RHOT1: variants seen among roughly 807,000 people sequenced by gnomAD.
RHOT1 encodes mitochondrial Rho GTPase 1.
In RHOT1, 27 loss-of-function variants were observed where a neutral mutation model predicts 95.3. The observed-to-expected ratio is 0.28, with a 90% CI of 0.21 to 0.39. The LOEUF (loss-of-function observed/expected upper bound fraction) is 0.39. RHOT1 is among the 10% of genes least tolerant of loss of function. The pLI is 1.00. For synonymous variants in RHOT1, 227 were observed against 263.5 expected (o/e 0.86, Z 1.34); for missense variants, 578 against 786.7 (o/e 0.73, Z 3.17).
At chr17:32,221,677 G>A (rs1016551517) in intron 19 of RHOT1, among the ~76,000 whole-genome samples, 44 of 152,166 alleles carry the variant, frequency 2.9e-4, no homozygotes, top group African/African-American at 9.9e-4. Context: ...GACATTGATG[G>A]AGCCATCGAA....
intron 1 of RHOT1, among the ~76,000 whole-genome samples, chr17:32,157,110 A>T (rs1461944300): frequency 6.6e-6 from 1 of 152,252 alleles, no homozygotes; most frequent in Non-Finnish European, 1.5e-5. Context: ...GTAAAAGGTA[A>T]TAAAGAATAA....
chr17:32,207,162 T>C, intron 17 of RHOT1, 133 bp downstream of exon 17: 1 of 839,974 alleles, frequency 1.2e-6, no homozygotes, highest in Non-Finnish European at 1.8e-6. Context: ...ATCTTTACCC[T>C]ATTCCTGAAG....
intron 8 of RHOT1, among the ~76,000 whole-genome samples, chr17:32,188,882 T>C (rs1419804056): frequency 1.3e-5 from 2 of 152,226 alleles, no homozygotes; most frequent in Non-Finnish European, 2.9e-5. Context: ...CTTAATCTGG[T>C]GCTAGTTTAC....
chr17:32,156,750 A>G (rs964039220), intron 1 of RHOT1, among the ~76,000 whole-genome samples: 2 of 152,260 alleles, frequency 1.3e-5, no homozygotes, highest in Admixed American at 6.5e-5. Context: ...GTTGTAACTC[A>G]GGGTCATACT....
chr17:32,212,277 G>T (rs2038185267), intron 19 of RHOT1, among the ~76,000 whole-genome samples: 1 of 152,194 alleles, frequency 6.6e-6, no homozygotes, highest in South Asian at 2.1e-4. Flanking sequence ...TATTTCTTCT[G>T]TGAGTCAGAA....
At chr17:32,172,345 A>G (rs1234951025) in intron 2 of RHOT1, among the ~76,000 whole-genome samples, 1 of 152,250 alleles carries the variant, frequency 6.6e-6, no homozygotes, top group Non-Finnish European at 1.5e-5. Context: ...TACTCTGGGT[A>G]TAACACCTAA....
intron 19 of RHOT1, chr17:32,221,048 G>A: frequency 1.0e-6 from 1 of 982,716 alleles, no homozygotes; most frequent in Non-Finnish European, 1.2e-6. Context: ...AATTGTGGAA[G>A]AATTATTTCT....
intron 19 of RHOT1, among the ~76,000 whole-genome samples, chr17:32,221,506 C>T (rs1221285024): frequency 6.6e-6 from 1 of 152,070 alleles, no homozygotes; most frequent in East Asian, 1.9e-4. Flanking sequence ...CCACATTATT[C>T]TCTATTCAGG....
chr17:32,143,232 T>C, intron 1 of RHOT1: 1 of 384,518 alleles, frequency 2.6e-6, no homozygotes, highest in African/African-American at 2.1e-5. Context: ...TGCAGAACTA[T>C]TCGACTTGTG....
At chr17:32,152,448 GT>G (rs2032428511) in intron 1 of RHOT1, among the ~76,000 whole-genome samples, 1 of 152,198 alleles carries the variant, frequency 6.6e-6, no homozygotes, top group South Asian at 2.1e-4. Context: ...CTGGGAAAAA[GT>G]TTGTTCTAAT....
chr17:32,214,418 A>G (rs1343592026), intron 19 of RHOT1, among the ~76,000 whole-genome samples: 1 of 152,224 alleles, frequency 6.6e-6, no homozygotes, highest in African/African-American at 2.4e-5. Context: ...GCAATTAATT[A>G]ACAAATTTTT....
At chr17:32,158,528 C>T (rs914815216) in intron 1 of RHOT1, among the ~76,000 whole-genome samples, 15 of 151,952 alleles carry the variant, frequency 9.9e-5, no homozygotes, top group African/African-American at 2.9e-4. Context: ...CATGCAATCT[C>T]GGCTCACTGC....
In RHOT1 at chr17:32,182,814, G is replaced by T. The variant is rs1295874637; in HGVS notation, c.387G>T (p.Glu129Asp). 6.2e-7 allele frequency: 1 copy of T among 1,608,084 alleles called. No individual in the cohort carries two copies. The highest frequency in any genetic ancestry group is 8.5e-7 in the Non-Finnish European group (1 of 1,175,976). Residue 129 changes from glutamate to aspartate, a missense_variant, in exon 7 of 20, where the codon GAG becomes GAT. Physicochemically the swap from Glu to Asp is conservative, Grantham distance 45. Around this residue, in one of 4 missense-constraint regions of RHOT1, gnomAD observed 227 missense variants for 316.0 expected, o/e 0.72. Coordinates refer to ENST00000545287, the MANE Select transcript of RHOT1 (RefSeq NM_001033566.3). ...KSDLVEYSSM[E>D]TILPIMNQYT... ...ATCTGGTGGAATATAGTAGTATGGA[G>T]ACCATCCTTCCTATTATGAACCAGT...
intron 1 of RHOT1, among the ~76,000 whole-genome samples, chr17:32,152,859 A>C (rs2032488753): frequency 6.7e-6 from 1 of 150,264 alleles, no homozygotes; most frequent in Admixed American, 6.6e-5. Context: ...GCTGGAATGT[A>C]GTGGCGTGAT....
Position 32,173,924 on chromosome 17 carries a change from C to A in RHOT1, c.178+12C>A, listed in dbSNP as rs1294778951. The A allele has an allele frequency of 1.9e-6, 3 of 1,542,870 alleles. No homozygotes were observed. Among genetic ancestry groups the A allele is most frequent in the African/African-American group, 2.7e-5 (2 of 72,922 alleles). On this transcript the variant is annotated intron_variant, in intron 3 of 19. Coordinates refer to ENST00000545287, the MANE Select transcript of RHOT1 (RefSeq NM_001033566.3). ...TGTAGATTACTCAGGTAATGAATAT[C>A]CTCTTGTAGATGAAGGTGTAGGTTA... is the stretch of plus-strand genomic sequence containing the variant.
rs531520015 is a variant in RHOT1 at position 32,206,186 on chromosome 17, T to C, written c.1417-724T>C. On this transcript the variant is annotated intron_variant, in intron 16 of 19. Transcript: ENST00000545287. ...AGTCACTCACTAATACTAGCTTCCATAGAATCTTTTTTTTTTTTTTTTTTT... is the reference window on the plus strand; with the variant it reads ...AGTCACTCACTAATACTAGCTTCCACAGAATCTTTTTTTTTTTTTTTTTTT... Among the ~76,000 whole-genome samples the C allele has an allele frequency of 1.1e-4, 16 of 139,266 alleles. No homozygotes were observed. The South Asian group carries it at 3.6e-3, about 31-fold the overall frequency. The allele number at this position is 139,266 out of a possible 152,430, so 91.4% of individuals were successfully genotyped here.
intron 16 of RHOT1, among the ~76,000 whole-genome samples, chr17:32,205,183 A>G (rs1267029557): frequency 6.6e-6 from 1 of 151,376 alleles, no homozygotes; most frequent in Non-Finnish European, 1.5e-5. Context: ...TCACCCCCTG[A>G]CAGGCCCCTG....
chr17:32,178,209 C>A (rs138787375), intron 6 of RHOT1, among the ~76,000 whole-genome samples: 1,523 of 149,860 alleles, frequency 0.01, 22 homozygotes, highest in Middle Eastern at 0.021. Flanking sequence ...GCCCTCCCCC[C>A]CCCCAGTGAT....
At chr17:32,212,353 A>G (rs1186891044) in intron 19 of RHOT1, among the ~76,000 whole-genome samples, 1 of 152,218 alleles carries the variant, frequency 6.6e-6, no homozygotes, top group Non-Finnish European at 1.5e-5. Flanking sequence ...TGGAATAAGA[A>G]TGCAACCATC....
Sources: allele counts gnomAD v4.1 joint callset (sites outside exome capture counted in the v4.1 genomes callset), GRCh38; gene constraint gnomAD v4.1.1; regional missense constraint gnomAD v4.1.1; transcripts MANE v1.5; gene names NCBI Gene and HGNC (gene_info 2026-07-23, HGNC 2026-07-21).